The following CSMD3 variants were observed in gnomAD, a reference collection of about 807,000 sequenced individuals.
The protein encoded by CSMD3 is CUB and Sushi multiple domains 3.
Under a neutral mutation model 435.2 loss-of-function variants are expected in CSMD3, and 177 were observed. The observed-to-expected ratio is 0.41, with a 90% CI of 0.36 to 0.46. CSMD3 has a LOEUF of 0.46. Ranked by LOEUF, CSMD3 falls within the 20% of genes least tolerant of loss-of-function variation. The pLI is 0.34. For synonymous variants in CSMD3, 1,656 were observed against 1,520.5 expected (o/e 1.09, Z -2.07); for missense variants, 4,265 against 4,504.6 (o/e 0.95, Z 1.52).
Position 112,301,850 on chromosome 8 carries a change from C to A in CSMD3, c.8383G>T (p.Ala2795Ser), listed in dbSNP as rs1361125342. The A allele has an allele frequency of 6.2e-7, 1 of 1,613,724 alleles. No individual in the cohort carries two copies. The highest frequency in any genetic ancestry group is 8.5e-7 in the Non-Finnish European group (1 of 1,179,846). ...CCTGAGGAAAGGCATTCCCTTACAG[C>A]AGAGCCCACAAGCATGAATCCCAAG... ...CDLGFMLVGSAVRECLSSGLW... is the reference protein window; with the variant it reads ...CDLGFMLVGSSVRECLSSGLW... The change falls in exon 53 of 71, where the codon GCT (alanine) becomes TCT (serine). Residue 2795 changes from alanine to serine, a missense_variant. Around this residue, in one of 3 missense-constraint regions of CSMD3, gnomAD observed 3,255 missense variants for 3,380.2 expected, o/e 0.96. Transcript: ENST00000297405.
intron 3 of CSMD3, among the ~76,000 whole-genome samples, chr8:113,184,195 C>G (rs1003295633): frequency 1.3e-5 from 2 of 151,950 alleles, no homozygotes; most frequent in Non-Finnish European, 2.9e-5. Context: ...GAAAGGGTTA[C>G]AGAGCTTTCA....
At chr8:113,121,173 C>T (rs2090974511) in intron 4 of CSMD3, among the ~76,000 whole-genome samples, 1 of 152,158 alleles carries the variant, frequency 6.6e-6, no homozygotes, top group African/African-American at 2.4e-5. Context: ...GCATGCAGGT[C>T]AGCCATGTGT....
intron 13 of CSMD3, among the ~76,000 whole-genome samples, chr8:112,704,590 T>C (rs1159671066): frequency 6.6e-6 from 1 of 152,020 alleles, no homozygotes; most frequent in Non-Finnish European, 1.5e-5. Context: ...TCAAAATTTT[T>C]TCTGGTTGTG....
intron 10 of CSMD3, among the ~76,000 whole-genome samples, chr8:112,861,937 G>A (rs759957651): frequency 1.3e-5 from 2 of 151,842 alleles, no homozygotes; most frequent in Admixed American, 6.6e-5. Context: ...TTAACTCATA[G>A]TACAATGGCT....
At chr8:112,596,401 C>A (rs1362497518) in intron 22 of CSMD3, among the ~76,000 whole-genome samples, 1 of 151,774 alleles carries the variant, frequency 6.6e-6, no homozygotes, top group Non-Finnish European at 1.5e-5. Flanking sequence ...ACTTAGACTC[C>A]CACACATTAA....
intron 35 of CSMD3, among the ~76,000 whole-genome samples, chr8:112,396,709 T>A (rs1830889848): frequency 6.6e-6 from 1 of 152,148 alleles, no homozygotes; most frequent in African/African-American, 2.4e-5. Flanking sequence ...CTCTTTTGAT[T>A]GAGCCCAAAA....
At chr8:112,273,213 A>G (rs927519742) in intron 59 of CSMD3, among the ~76,000 whole-genome samples, 1 of 152,210 alleles carries the variant, frequency 6.6e-6, no homozygotes, top group Admixed American at 6.5e-5. Context: ...TTTCACTAAA[A>G]TTGGAAGACA....
intron 4 of CSMD3, among the ~76,000 whole-genome samples, chr8:113,164,924 T>C (rs1032188749): frequency 4.6e-5 from 7 of 152,158 alleles, no homozygotes; most frequent in Admixed American, 4.6e-4. Flanking sequence ...GCATTAAATG[T>C]CTTTGGTGGC....
At chr8:112,792,416 C>T (rs558415127) in intron 13 of CSMD3, among the ~76,000 whole-genome samples, 2 of 152,122 alleles carry the variant, frequency 1.3e-5, no homozygotes, top group African/African-American at 2.4e-5. Flanking sequence ...ACAGAGTGGT[C>T]TCTGGTTCAT....
At chr8:113,389,578 A>T (rs1052482463) in intron 1 of CSMD3, among the ~76,000 whole-genome samples, 4 of 151,728 alleles carry the variant, frequency 2.6e-5, no homozygotes, top group Admixed American at 2.6e-4. Flanking sequence ...CACTGTCTTT[A>T]CTCTGCCCTT....
chr8:113,425,726 C>T (rs16884648), intron 1 of CSMD3, among the ~76,000 whole-genome samples: 3,616 of 151,330 alleles, frequency 0.024, 111 homozygotes, highest in African/African-American at 0.078. Flanking sequence ...GATTTAAAGA[C>T]GAAAGTTTTT....
chr8:113,374,566 A>G (rs942555349), intron 1 of CSMD3, among the ~76,000 whole-genome samples: 1 of 152,108 alleles, frequency 6.6e-6, no homozygotes, highest in East Asian at 1.9e-4. Flanking sequence ...AAAAGAAGGC[A>G]TATCAGACAA....
At chr8:112,932,463 G>C (rs570107903) in intron 9 of CSMD3, among the ~76,000 whole-genome samples, 7 of 152,240 alleles carry the variant, frequency 4.6e-5, no homozygotes, top group Non-Finnish European at 8.8e-5. Flanking sequence ...AGCCAGGGTG[G>C]TCTCAGTCTC....
intron 4 of CSMD3, among the ~76,000 whole-genome samples, chr8:113,112,499 AC>A (rs1238364256): frequency 7.7e-6 from 1 of 129,980 alleles, no homozygotes; most frequent in Admixed American, 7.7e-5. Flanking sequence ...ACACACACAC[AC>A]ACTTGTGAGT....
At position 112,643,813 on chromosome 8, in the gene CSMD3, T is replaced by C. The variant is rs116721030; in HGVS notation, c.3310+1296A>G. ...CTTTTTCTCAGTAATATTTAATTCA[T>C]TGTAGAAATTTAACCAAACTAGTCC... On this transcript the variant is annotated intron_variant, in intron 20 of 70. Transcript: ENST00000297405. Among the ~76,000 whole-genome samples the C allele has an allele frequency of 7.1e-3, 1,082 of 152,176 alleles. 11 individuals are homozygous for C. The highest frequency in any genetic ancestry group is 0.025 in the African/African-American group (1,041 of 41,536).
chr8:112,865,088 G>T (rs1459949777), intron 10 of CSMD3, among the ~76,000 whole-genome samples: 1 of 152,164 alleles, frequency 6.6e-6, no homozygotes, highest in Non-Finnish European at 1.5e-5. Context: ...TTCCTAGCTT[G>T]TCTACCAATG....
chr8:112,326,163 A>G (rs371891582), intron 45 of CSMD3, among the ~76,000 whole-genome samples: 84 of 152,340 alleles, frequency 5.5e-4, no homozygotes, highest in African/African-American at 1.9e-3. Flanking sequence ...TTGTTGGTCA[A>G]AGAAAAGGGT....
intron 32 of CSMD3, among the ~76,000 whole-genome samples, chr8:112,459,976 G>T (rs1194836336): frequency 1.3e-5 from 2 of 152,056 alleles, no homozygotes; most frequent in Admixed American, 6.6e-5. Flanking sequence ...CATCTCATCA[G>T]ATCAATGTTT....
chr8:112,981,498 G>A (rs1193807384), intron 6 of CSMD3, among the ~76,000 whole-genome samples: 5 of 151,430 alleles, frequency 3.3e-5, no homozygotes. Context: ...TAGGAAACCA[G>A]TATTAAATTT....
Sources: allele counts gnomAD v4.1 joint callset (sites outside exome capture counted in the v4.1 genomes callset), GRCh38; gene constraint gnomAD v4.1.1; regional missense constraint gnomAD v4.1.1; transcripts MANE v1.5; gene names NCBI Gene and HGNC (gene_info 2026-07-23, HGNC 2026-07-21).